ZFYVE16: variants seen among roughly 807,000 people sequenced by gnomAD.
ZFYVE16 encodes zinc finger FYVE domain-containing protein 16.
ZFYVE16 carries 89 observed loss-of-function variants against 138.1 expected under a neutral mutation model. The ratio of observed to expected loss-of-function variants is 0.64; its 90% CI spans 0.54 to 0.77. The LOEUF (loss-of-function observed/expected upper bound fraction) is 0.77, where lower values mean the gene tolerates loss of function less well. Among genes scored for constraint, ZFYVE16 ranks in the 30% least tolerant of loss-of-function variants. The probability of loss-of-function intolerance (pLI) is 0.00; values close to 1 mark genes in which losing one functional copy is unlikely to be tolerated. For missense variants in ZFYVE16, 1,793 were observed against 1,786.7 expected (o/e 1.00, Z -0.06); for synonymous variants, 596 against 618.3 (o/e 0.96, Z 0.53).
Position 80,438,627 on chromosome 5 carries a change from A to G in ZFYVE16, c.1942A>G (p.Arg648Gly), listed in dbSNP as rs772749902. ...TAACAGTCAATCTGTTGGAGGGGCC[A>G]GACCTAAGCAATTGTTTAGCCTTCC... ...DINSQSVGGA[R>G]PKQLFSLPSR... is the part of the protein sequence containing the mutation. Residue 648 changes from arginine to glycine, a missense_variant, in exon 4 of 19, where the codon AGA (arginine) becomes GGA (glycine). Arg to Gly is a moderately radical substitution (Grantham distance 125). Around this residue, in one of 2 missense-constraint regions of ZFYVE16, gnomAD observed 1,295 missense variants for 1,204.3 expected, o/e 1.08. Coordinates refer to ENST00000505560, the MANE Select transcript of ZFYVE16 (RefSeq NM_001284236.3). 6 of 1,614,156 alleles carry G rather than the reference A, an allele frequency of 3.7e-6. No homozygotes were observed. The highest frequency in any genetic ancestry group is 5.1e-6 in the Non-Finnish European group (6 of 1,180,000).
Position 80,437,957 on chromosome 5 carries a change from T to A in ZFYVE16, c.1272T>A (p.Gly424=). 1.2e-6 allele frequency: 2 copies of A among 1,614,032 alleles called. No homozygotes were observed. The highest frequency in any genetic ancestry group is 1.7e-6 in the Non-Finnish European group (2 of 1,179,946). ...HEEIQNSVVL[G]GEPFKENDLL... is the part of the protein sequence containing the mutation. ...AAATACAGAACAGTGTTGTTCTAGG[T>A]GGGGAACCATTCAAAGAGAATGATC... Residue 424 remains glycine (G), a synonymous_variant, in exon 4 of 19, where the codon GGT becomes GGA. Transcript: ENST00000505560.
At chr5:80,414,298 G>A (rs543279413) in intron 1 of ZFYVE16, among the ~76,000 whole-genome samples, 62 of 152,084 alleles carry the variant, frequency 4.1e-4, no homozygotes, top group Non-Finnish European at 7.8e-4. Flanking sequence ...CATCTTGATG[G>A]GTTGCTCTCT....
chr5:80,481,320 C>G lies in ZFYVE16; in HGVS notation c.*3943C>G, dbSNP rs1755262400. ...AGAAACCAGAGTATAGGTAAGATCA[C>G]AAATAGGAGGGAACTGAAGAAAAGG... On this transcript the variant is annotated 3_prime_UTR_variant, in exon 19 of 19. Transcript: ENST00000505560. 6.6e-6 allele frequency among the ~76,000 whole-genome samples: 1 copy of G among 152,116 alleles called. No homozygotes were observed. Among genetic ancestry groups the G allele is most frequent in the African/African-American group, 2.4e-5 (1 of 41,410 alleles).
chr5:80,443,953 A>G, intron 6 of ZFYVE16: 1 of 384,304 alleles, frequency 2.6e-6, no homozygotes, highest in South Asian at 1.9e-5. Context: ...TTTCCTTAAA[A>G]TCTATTTTTA....
chr5:80,443,202 G>A lies in ZFYVE16; in HGVS notation c.2499G>A (p.Gln833=). 1 of 1,609,680 alleles carries A rather than the reference G, an allele frequency of 6.2e-7. No individual in the cohort carries two copies. The highest frequency in any genetic ancestry group is 8.5e-7 in the Non-Finnish European group (1 of 1,178,978). The change falls in exon 6 of 19, where the codon CAG becomes CAA. Residue 833 remains glutamine (Q), a synonymous_variant. Transcript: ENST00000505560. ...SNHSDECTTV[Q]PPQENQTSSI... is the part of the protein sequence containing the mutation. ...ATTCTGATGAATGTACTACTGTCCA[G>A]CCTCCTCAGGAGAACCAAACATCCA... is the stretch of plus-strand genomic sequence containing the variant.
rs908895049 is a variant in ZFYVE16 at position 80,457,932 on chromosome 5, G to A, written c.3943+840G>A. ...TCCCAGCTACTTGGGAGGCTGAGGC[G>A]GGAGAATGGCGTGAACCCGGGAGGC... On this transcript the variant is annotated intron_variant, in intron 14 of 18. Coordinates refer to ENST00000505560, the MANE Select transcript of ZFYVE16 (RefSeq NM_001284236.3). Among the ~76,000 whole-genome samples, 7 of 151,512 alleles carry A rather than the reference G, an allele frequency of 4.6e-5. No individual in the cohort carries two copies. In the East Asian group the frequency reaches 5.8e-4, roughly 13 times the overall value.
At position 80,472,910 on chromosome 5, in the gene ZFYVE16, A is replaced by G. The variant is rs1209942274; in HGVS notation, c.4174A>G (p.Lys1392Glu). 4.4e-6 allele frequency: 7 copies of G among 1,597,018 alleles called. No homozygotes were observed. The highest frequency in any genetic ancestry group is 6.0e-6 in the Non-Finnish European group (7 of 1,172,438). Residue 1392 changes from lysine (K) to glutamate (E), a missense_variant, in exon 16 of 19, where the codon AAA (lysine) becomes GAA (glutamate). Physicochemically the swap from Lys to Glu is moderately conservative, Grantham distance 56 (BLOSUM62 1). Coordinates refer to ENST00000505560, the MANE Select transcript of ZFYVE16 (RefSeq NM_001284236.3). ...VDICWVDAEE[K>E]GNKGVISSVD... ...TATCTGCTGGGTAGATGCTGAAGAA[A>G]AAGGAAACAAAGGGTAGGAATTTTT...
Position 80,482,068 on chromosome 5 carries a change from G to A in ZFYVE16, c.*4691G>A, listed in dbSNP as rs1755291651. On this transcript the variant is annotated 3_prime_UTR_variant, in exon 19 of 19. Transcript: ENST00000505560. ...ACTCCTGACCTCAAGTGATCTGCCTGCCTGGGCCTCCCAAAGTGCTGGGAT... is the reference window on the plus strand; with the variant it reads ...ACTCCTGACCTCAAGTGATCTGCCTACCTGGGCCTCCCAAAGTGCTGGGAT... Among the ~76,000 whole-genome samples the A allele has an allele frequency of 6.6e-6, 1 of 152,156 alleles. No individual in the cohort carries two copies. The highest frequency in any genetic ancestry group is 1.5e-5 in the Non-Finnish European group (1 of 68,018).
At position 80,448,168 on chromosome 5, in the gene ZFYVE16, A is replaced by G. The variant is rs1431064539; in HGVS notation, c.2867A>G (p.Asn956Ser). The change falls in exon 8 of 19, where the codon AAT (asparagine) becomes AGT (serine). Residue 956 changes from asparagine (N) to serine (S), a missense_variant. Physicochemically the swap from Asn to Ser is conservative, Grantham distance 46. Coordinates refer to ENST00000505560, the MANE Select transcript of ZFYVE16 (RefSeq NM_001284236.3). The stretch of plus-strand genomic sequence containing the variant: ...GAAAAATTGTCTATGAACACAGGAA[A>G]TGAGGGGTTACCTACTTCTGGTTCA... ...SVEKLSMNTG[N>S]EGLPTSGSFT... is the part of the protein sequence containing the mutation. The G allele has an allele frequency of 8.7e-6, 14 of 1,613,874 alleles. No individual in the cohort carries two copies. Among genetic ancestry groups the G allele is most frequent in the Admixed American group, 1.7e-5 (1 of 60,002 alleles).
At position 80,436,793 on chromosome 5, in the gene ZFYVE16, T is replaced by C. The variant is rs1749976890; in HGVS notation, c.108T>C (p.Tyr36=). The part of the protein sequence containing the change: ...QDYLQDVQNA[Y]DSNHCSVSSE... ...ATCTCCAAGATGTACAAAATGCATATGATTCTAACCACTGCTCAGTTTCTT... is the reference window on the plus strand; with the variant it reads ...ATCTCCAAGATGTACAAAATGCATACGATTCTAACCACTGCTCAGTTTCTT... Residue 36 remains tyrosine, a synonymous_variant, in exon 4 of 19, where the codon TAT becomes TAC. Transcript: ENST00000505560. The C allele has an allele frequency of 6.2e-7, 1 of 1,613,862 alleles. No homozygotes were observed. Among genetic ancestry groups the C allele is most frequent in the Non-Finnish European group, 8.5e-7 (1 of 1,179,884 alleles).
intron 18 of ZFYVE16, among the ~76,000 whole-genome samples, chr5:80,476,974 T>C (rs1402158535): frequency 6.6e-6 from 1 of 152,188 alleles, no homozygotes; most frequent in Admixed American, 6.5e-5. Flanking sequence ...TGTGTTCATT[T>C]AGAGGAAACG....
intron 3 of ZFYVE16, among the ~76,000 whole-genome samples, chr5:80,435,548 C>T (rs1268724088): frequency 6.6e-6 from 1 of 152,118 alleles, no homozygotes; most frequent in Non-Finnish European, 1.5e-5. Flanking sequence ...CTTCCTTAGT[C>T]TGGTTTTTAT....
chr5:80,414,734 C>T (rs1201852125), intron 1 of ZFYVE16, among the ~76,000 whole-genome samples: 1 of 151,998 alleles, frequency 6.6e-6, no homozygotes, highest in African/African-American at 2.4e-5. Flanking sequence ...AGTTGTTCAA[C>T]AGCAAATATA....
intron 1 of ZFYVE16, among the ~76,000 whole-genome samples, chr5:80,416,195 T>C (rs1321182952): frequency 6.6e-6 from 1 of 151,932 alleles, no homozygotes; most frequent in Non-Finnish European, 1.5e-5. Context: ...GAGATTTGTC[T>C]TTTCCCCAAT....
At position 80,448,091 on chromosome 5, in the gene ZFYVE16, T is replaced by G; in HGVS notation, c.2790T>G (p.Asp930Glu). 1 of 1,613,810 alleles carries G rather than the reference T, an allele frequency of 6.2e-7. No homozygotes were observed. Among genetic ancestry groups the G allele is most frequent in the Non-Finnish European group, 8.5e-7 (1 of 1,179,866 alleles). Residue 930 changes from aspartate (D) to glutamate (E), a missense_variant, in exon 8 of 19, where the codon GAT (aspartate) becomes GAG (glutamate). By Grantham distance (45) the Asp-to-Glu change is conservative. Transcript: ENST00000505560. ...AAAAGCCAAACAATGAGACAGGAGA[T>G]ATTACAAGAAATGAGATAATTCAGA... ...TVEKPNNETG[D>E]ITRNEIIQSP... is the part of the protein sequence containing the mutation.
At chr5:80,423,175 G>A (rs954492498) in intron 1 of ZFYVE16, among the ~76,000 whole-genome samples, 15 of 152,072 alleles carry the variant, frequency 9.9e-5, no homozygotes, top group African/African-American at 3.1e-4. Flanking sequence ...TTTATGGAAC[G>A]TTATTAATTA....
Position 80,434,198 on chromosome 5 carries a change from T to C in ZFYVE16, c.51T>C (p.Asp17=). The change falls in exon 3 of 19, where the codon GAT becomes GAC. Residue 17 remains aspartate (D), a synonymous_variant. Coordinates refer to ENST00000505560, the MANE Select transcript of ZFYVE16 (RefSeq NM_001284236.3). The part of the protein sequence containing the change: ...AAVSDLDKLL[D]DFEQNPDEQD... The stretch of plus-strand genomic sequence containing the variant: ...TCAGTGACTTGGACAAACTCCTTGA[T>C]GATTTTGAACAGAACCCAGGTTTGT... The C allele has an allele frequency of 6.2e-7, 1 of 1,613,466 alleles. No individual in the cohort carries two copies.
At position 80,477,597 on chromosome 5, in the gene ZFYVE16, T is replaced by C; in HGVS notation, c.*220T>C. On this transcript the variant is annotated 3_prime_UTR_variant, in exon 19 of 19. Transcript: ENST00000505560. ...ATACTTTCTGTAGCTTTACAATTAA[T>C]TTAAGTACTAAAAAGACAAGGATTT... The C allele has an allele frequency of 2.8e-6, 1 of 361,578 alleles. No homozygotes were observed. Among genetic ancestry groups the C allele is most frequent in the Non-Finnish European group, 4.8e-6 (1 of 208,194 alleles). The allele number at this position is 361,578 out of a possible 1,614,324, so 22.4% of individuals were successfully genotyped here.
At chr5:80,466,589 C>T (rs1481693782) in intron 15 of ZFYVE16, among the ~76,000 whole-genome samples, 1 of 152,080 alleles carries the variant, frequency 6.6e-6, no homozygotes, top group Non-Finnish European at 1.5e-5. Flanking sequence ...AGTGTAATGT[C>T]TTTGTTTCCT....
Sources: gnomAD v4.1 joint callset for allele counts (sites outside exome capture counted in the v4.1 genomes callset) on GRCh38, gnomAD v4.1.1 for gene constraint, gnomAD v4.1.1 regional missense constraint, MANE v1.5 for transcripts, NCBI Gene and HGNC (gene_info 2026-07-23, HGNC 2026-07-21) for gene names.